TC2N: variants seen among roughly 807,000 people sequenced by gnomAD.
The protein encoded by TC2N is tandem C2 domains nuclear protein.
A neutral mutation model predicts 61.9 loss-of-function variants in TC2N; 51 were observed. That is an observed-to-expected ratio of 0.82 (90% CI 0.66 to 1.04). The LOEUF is 1.04. Ranked by LOEUF, TC2N falls within the 50% of genes least tolerant of loss-of-function variation. The probability of loss-of-function intolerance (pLI) is 0.00; values close to 1 mark genes in which losing one functional copy is unlikely to be tolerated. For synonymous variants in TC2N, 204 were observed against 192.6 expected (o/e 1.06, Z -0.49); for missense variants, 556 against 566.7 (o/e 0.98, Z 0.19).
At chr14:91,813,629 A>C in intron 2 of TC2N, 74 bp downstream of exon 2, 1 of 1,085,914 alleles carries the variant, frequency 9.2e-7, no homozygotes, top group Non-Finnish European at 1.4e-6. Flanking sequence ...AACATGCCTA[A>C]TTCTTTATAT....
intron 3 of TC2N, among the ~76,000 whole-genome samples, chr14:91,804,733 G>A (rs1020452526): frequency 1.1e-4 from 16 of 152,134 alleles, no homozygotes; most frequent in African/African-American, 3.6e-4. Context: ...TCAGGGATAT[G>A]AGCTTAGGTG....
rs372402492 is a variant in TC2N, at chr14:91,783,212, T to C, written c.1363-2A>G. 1.3e-6 allele frequency: 2 copies of C among 1,544,592 alleles called. No individual in the cohort carries two copies. The highest frequency in any genetic ancestry group is 2.3e-5 in the East Asian group (1 of 44,196). ...ATTACTGTCTTCACTTATCCAAATCTGTAAAGGAAAGTATGTACAATCATT... is the reference window on the plus strand; with the variant it reads ...ATTACTGTCTTCACTTATCCAAATCCGTAAAGGAAAGTATGTACAATCATT... On this transcript the variant is annotated splice_acceptor_variant, in intron 11 of 11. Coordinates refer to ENST00000435962, the MANE Select transcript of TC2N (RefSeq NM_001128596.3). LOFTEE classifies it high-confidence loss of function.
At chr14:91,814,228 A>C (rs1159734050) in intron 1 of TC2N, among the ~76,000 whole-genome samples, 1 of 151,260 alleles carries the variant, frequency 6.6e-6, no homozygotes, top group Non-Finnish European at 1.5e-5. Flanking sequence ...AACAAAGAAA[A>C]AAAGAGAGAA....
chr14:91,848,075 C>T (rs374454623), intron 1 of TC2N, among the ~76,000 whole-genome samples: 1 of 152,196 alleles, frequency 6.6e-6, no homozygotes, highest in African/African-American at 2.4e-5. Flanking sequence ...GCCAGCAAAC[C>T]TCTTATCCCT....
chr14:91,816,172 T>A (rs1015522081), intron 1 of TC2N, among the ~76,000 whole-genome samples: 1 of 151,772 alleles, frequency 6.6e-6, no homozygotes, highest in African/African-American at 2.4e-5. Context: ...CCAAAAGGTG[T>A]ATATGTGTAA....
intron 1 of TC2N, among the ~76,000 whole-genome samples, chr14:91,844,186 G>T (rs72631605): frequency 0.031 from 4,710 of 152,240 alleles, 221 homozygotes; most frequent in East Asian, 0.19. Context: ...GGCCAGAGAG[G>T]CATACCCTTC....
chr14:91,863,480 G>A (rs1393570121), intron 1 of TC2N, among the ~76,000 whole-genome samples: 3 of 152,166 alleles, frequency 2.0e-5, no homozygotes, highest in East Asian at 1.9e-4. Flanking sequence ...ATTGTAAATC[G>A]ATATATGGAG....
At chr14:91,824,816 G>T (rs1887418010) in intron 1 of TC2N, among the ~76,000 whole-genome samples, 1 of 151,936 alleles carries the variant, frequency 6.6e-6, no homozygotes, top group South Asian at 2.1e-4. Context: ...AATCCAGCTG[G>T]AACATAAACA....
At chr14:91,842,334 G>C (rs1385395974) in intron 1 of TC2N, among the ~76,000 whole-genome samples, 1 of 152,106 alleles carries the variant, frequency 6.6e-6, no homozygotes, top group African/African-American at 2.4e-5. Context: ...TTTATCTATA[G>C]GAACTACAGA....
intron 3 of TC2N, among the ~76,000 whole-genome samples, chr14:91,804,496 T>C (rs958626328): frequency 1.3e-5 from 2 of 152,184 alleles, no homozygotes; most frequent in Non-Finnish European, 2.9e-5. Context: ...AAATTCCTTA[T>C]AATATGCTAC....
intron 2 of TC2N, 71 bp from the exon 3 acceptor site, chr14:91,812,616 C>T (rs1018864666): frequency 1.4e-6 from 1 of 734,332 alleles, no homozygotes; most frequent in African/African-American, 1.8e-5. Flanking sequence ...ACCTAGCATA[C>T]TTTGATATTT....
rs990444078 is a variant in TC2N, at chr14:91,783,103, A to G, written c.1470T>C (p.Ser490=). ...ACCAAATTAATGTGTGAAGTCTTCA[A>G]GATGGATTTAATTTGTGCCACCTGA... The part of the protein sequence containing the change: ...VVIRWHKLNP[S] The change falls in exon 12 of 12, where the codon TCT becomes TCC. Residue 490 remains serine, a synonymous_variant. Transcript: ENST00000435962. 3 of 1,586,024 alleles carry G rather than the reference A, an allele frequency of 1.9e-6. No homozygotes were observed. Among genetic ancestry groups the G allele is most frequent in the Admixed American group, 1.7e-5 (1 of 59,802 alleles).
intron 1 of TC2N, among the ~76,000 whole-genome samples, chr14:91,822,673 G>A (rs1887306878): frequency 6.6e-6 from 1 of 151,838 alleles, no homozygotes; most frequent in African/African-American, 2.4e-5. Flanking sequence ...GACTTGGTGG[G>A]GCAGGAGGAA....
chr14:91,857,467 G>A (rs1002687935), intron 1 of TC2N, among the ~76,000 whole-genome samples: 15 of 152,320 alleles, frequency 9.8e-5, no homozygotes, highest in East Asian at 5.8e-4. Context: ...AACATTTGAC[G>A]TGAAGAAAGA....
At chr14:91,803,428 C>CATAT (rs3030729) in intron 3 of TC2N, among the ~76,000 whole-genome samples, 3,196 of 147,156 alleles carry the variant, frequency 0.022, 95 homozygotes, top group African/African-American at 0.065. Flanking sequence ...CACACACACA[C>CATAT]ATATATATAT....
Position 91,792,510 on chromosome 14 carries a change from G to T in TC2N, c.904C>A (p.Leu302Ile). ...TTAAATACAAGTCTTACAGTTTGTA[G>T]ATTTTGAAGTTTAATAGCAAATACA... The part of the protein sequence containing the change: ...TFVFAIKLQN[L>I]QTVRLVFKIQ... The change falls in exon 9 of 12, where the codon CTA becomes ATA. Residue 302 changes from leucine to isoleucine, a missense_variant. Transcript: ENST00000435962. The T allele has an allele frequency of 1.3e-6, 2 of 1,596,160 alleles. No homozygotes were observed. Among genetic ancestry groups the T allele is most frequent in the Non-Finnish European group, 8.6e-7 (1 of 1,169,076 alleles).
intron 1 of TC2N, among the ~76,000 whole-genome samples, chr14:91,839,383 A>G (rs1888123474): frequency 6.6e-6 from 1 of 152,160 alleles, no homozygotes; most frequent in Admixed American, 6.5e-5. Context: ...TCCTGACTCA[A>G]TTAGGTGCCA....
At chr14:91,789,617 A>G (rs1239451107) in intron 9 of TC2N, among the ~76,000 whole-genome samples, 1 of 148,574 alleles carries the variant, frequency 6.7e-6, no homozygotes, top group African/African-American at 2.6e-5. Context: ...TCTCAAAAAC[A>G]AAAAACAAAA....
chr14:91,865,148 CCCCTCTGAAAGAACA>C (rs989122014), intron 1 of TC2N, among the ~76,000 whole-genome samples: 1 of 152,084 alleles, frequency 6.6e-6, no homozygotes, highest in African/African-American at 2.4e-5. Context: ...ACATGCAGTT[CCCCTCTGAAAGAACA>C]CCAAAATGGC....
Sources: gnomAD v4.1 joint callset for allele counts (sites outside exome capture counted in the v4.1 genomes callset) on GRCh38, gnomAD v4.1.1 for gene constraint, MANE v1.5 for transcripts, NCBI Gene and HGNC (gene_info 2026-07-23, HGNC 2026-07-21) for gene names.